The following DIAPH2 variants were observed in gnomAD, a reference collection of about 807,000 sequenced individuals.
DIAPH2 encodes the protein diaphanous related formin 2, also known as protein diaphanous homolog 2.
In DIAPH2, 35 loss-of-function variants were observed where a neutral mutation model predicts 92.7. The ratio of observed to expected loss-of-function variants is 0.38; its 90% CI spans 0.29 to 0.50. The LOEUF (loss-of-function observed/expected upper bound fraction) is 0.50, where lower values mean the gene tolerates loss of function less well. Among genes scored for constraint, DIAPH2 ranks in the 20% least tolerant of loss-of-function variants. The pLI is 0.94. For missense variants in DIAPH2, 701 were observed against 819.5 expected (o/e 0.86, Z 1.77); for synonymous variants, 301 against 280.4 (o/e 1.07, Z -0.73).
At chrX:97,494,075 A>ATGTATGTATATATT (rs1406805374) in intron 26 of DIAPH2, among the ~76,000 whole-genome samples, 1 of 101,185 alleles carries the variant, frequency 9.9e-6, no homozygotes, top group Non-Finnish European at 2.0e-5. Context: ...ATTTATATAT[A>ATGTATGTATATATT]TGTATGTATA....
intron 5 of DIAPH2, among the ~76,000 whole-genome samples, chrX:96,894,871 A>ATTAT (rs2065332279): frequency 9.0e-6 from 1 of 110,987 alleles, no homozygotes; most frequent in Admixed American, 9.6e-5. Context: ...GCATTTCACA[A>ATTAT]TGTGCTTAGA....
At chrX:97,133,280 TTTC>T (rs2067149883) in intron 21 of DIAPH2, among the ~76,000 whole-genome samples, 1 of 111,278 alleles carries the variant, frequency 9.0e-6, no homozygotes, top group South Asian at 3.8e-4. Flanking sequence ...TGTTTTGTTT[TTTC>T]TTTTTTCTTT....
At chrX:97,002,059 A>G (rs1243508664) in intron 17 of DIAPH2, among the ~76,000 whole-genome samples, 1 of 111,145 alleles carries the variant, frequency 9.0e-6, no homozygotes, top group East Asian at 2.8e-4. Flanking sequence ...ATTCAAGTCA[A>G]TAATCCACAA....
At chrX:97,358,011 A>G (rs1043378677) in intron 24 of DIAPH2, among the ~76,000 whole-genome samples, 1 of 111,787 alleles carries the variant, frequency 8.9e-6, no homozygotes, top group Middle Eastern at 4.2e-3. Context: ...GTAAACATAC[A>G]TTGTCTCCTA....
At chrX:96,810,799 T>G (rs1569401592) in intron 4 of DIAPH2, among the ~76,000 whole-genome samples, 1 of 111,929 alleles carries the variant, frequency 8.9e-6, no homozygotes, top group Non-Finnish European at 1.9e-5. Context: ...TTCTTGTTTT[T>G]GTCAGGTTTG....
chrX:97,153,205 A>T (rs746315647), intron 22 of DIAPH2, among the ~76,000 whole-genome samples: 3 of 112,216 alleles, frequency 2.7e-5, no homozygotes, highest in Admixed American at 9.5e-5. Context: ...GGTGTTACAT[A>T]TAAAAAATTA....
At chrX:96,911,915 A>G (rs1247671768) in intron 5 of DIAPH2, among the ~76,000 whole-genome samples, 1 of 111,824 alleles carries the variant, frequency 8.9e-6, no homozygotes, top group African/African-American at 3.2e-5. Context: ...GCAAAGGTGA[A>G]AGAAATGGGT....
intron 26 of DIAPH2, among the ~76,000 whole-genome samples, chrX:97,517,172 A>G (rs942158299): frequency 7.2e-5 from 8 of 111,826 alleles, no homozygotes; most frequent in Non-Finnish European, 1.1e-4. Flanking sequence ...ATTCAAACAC[A>G]TATCACTATG....
At chrX:96,707,995 C>G (rs973645285) in intron 1 of DIAPH2, among the ~76,000 whole-genome samples, 3 of 111,344 alleles carry the variant, frequency 2.7e-5, no homozygotes, top group African/African-American at 9.8e-5. Context: ...CCCACTTAAT[C>G]TACATTGCAG....
intron 1 of DIAPH2, among the ~76,000 whole-genome samples, chrX:96,701,002 T>G (rs2063852091): frequency 8.9e-6 from 1 of 112,149 alleles, no homozygotes; most frequent in Admixed American, 9.5e-5. Context: ...TTAGGTGTAT[T>G]GTCTCATATG....
rs1421611621 is a variant in DIAPH2, at chrX:97,600,991, T to TATC, written c.*1675_*1677dup. ...ATAGAAAAATCAAAAAGGGTAACAG[T>TATC]ATCTGAAATTTCACAGTCCTATCCG... On this transcript the variant is annotated 3_prime_UTR_variant, in exon 27 of 27. Coordinates refer to ENST00000324765, the MANE Select transcript of DIAPH2 (RefSeq NM_006729.5). 1.8e-5 allele frequency: 2 copies of TATC among 112,168 alleles called. No homozygotes were observed. Among genetic ancestry groups the TATC allele is most frequent in the African/African-American group, 6.5e-5 (2 of 30,926 alleles). 9.2% of individuals were successfully genotyped at this position (112,168 alleles called of 1,213,427 possible).
intron 23 of DIAPH2, among the ~76,000 whole-genome samples, chrX:97,312,693 G>C (rs2147642615): frequency 9.0e-6 from 1 of 111,235 alleles, no homozygotes; most frequent in East Asian, 2.8e-4. Flanking sequence ...TTTGAAAGTA[G>C]AATGGATAGA....
Position 97,599,511 on chromosome X carries a change from A to T in DIAPH2, c.*194A>T. 1 of 270,519 alleles carries T rather than the reference A, an allele frequency of 3.7e-6. No individual in the cohort carries two copies. Among genetic ancestry groups the T allele is most frequent in the Non-Finnish European group, 6.8e-6 (1 of 146,898 alleles). The allele number at this position is 270,519 out of a possible 1,213,427, so 22.3% of individuals were successfully genotyped here. A position where few individuals can be genotyped will look rare whatever the true frequency, so the allele number is the denominator to read the frequency against. ...CCCACAATTATTCTAATCTGAACAC[A>T]GTTATCAGGATTACAAAATGTGTTC... is the stretch of plus-strand genomic sequence containing the variant. On this transcript the variant is annotated 3_prime_UTR_variant, in exon 27 of 27. Coordinates refer to ENST00000324765, the MANE Select transcript of DIAPH2 (RefSeq NM_006729.5).
rs185875923 is a variant in DIAPH2, at chrX:97,454,411, C to T, written c.3241+24666C>T. 3.8e-3 allele frequency among the ~76,000 whole-genome samples: 427 copies of T among 111,457 alleles called. 2 individuals are homozygous for T. Among genetic ancestry groups the T allele is most frequent in the Non-Finnish European group, 6.1e-3 (324 of 53,083 alleles). ...AAAAAAAGAAATAGGTATATATATA[C>T]GCAGCTGCTAATTAAAAAATTGGAG... On this transcript the variant is annotated intron_variant, in intron 26 of 26. Coordinates refer to ENST00000324765, the MANE Select transcript of DIAPH2 (RefSeq NM_006729.5).
intron 9 of DIAPH2, among the ~76,000 whole-genome samples, chrX:96,927,472 T>G (rs1379166973): frequency 9.1e-6 from 1 of 110,467 alleles, no homozygotes; most frequent in Non-Finnish European, 1.9e-5. Context: ...ATCTCTTTTT[T>G]TCTTTAAAAT....
intron 22 of DIAPH2, among the ~76,000 whole-genome samples, chrX:97,219,430 T>C (rs756446649): frequency 2.1e-4 from 24 of 111,901 alleles, no homozygotes; most frequent in African/African-American, 7.4e-4. Context: ...TTTGTTGCTG[T>C]TTCAGGGAAA....
chrX:96,717,317 C>T (rs2063955518), intron 1 of DIAPH2, among the ~76,000 whole-genome samples: 1 of 110,722 alleles, frequency 9.0e-6, no homozygotes, highest in African/African-American at 3.3e-5. Flanking sequence ...CCTCCATATC[C>T]CTGCTGATTT....
rs751755904 is a variant in DIAPH2, at chrX:96,702,883, G to A, written c.132+17693G>A. Among the ~76,000 whole-genome samples, 119 of 111,143 alleles carry A rather than the reference G, an allele frequency of 1.1e-3. 1 individual carries two copies. The Middle Eastern group carries it at 0.014, about 13-fold the overall frequency. On this transcript the variant is annotated intron_variant, in intron 1 of 26. Transcript: ENST00000324765. ...CAAACTCTCTTGTGAGTTTTACAGA[G>A]TCACTAATCCCATTCATGAAGGTTC... is the stretch of plus-strand genomic sequence containing the variant.
chrX:97,561,909 T>G, intron 26 of DIAPH2, among the ~76,000 whole-genome samples: 1 of 112,565 alleles, frequency 8.9e-6, no homozygotes, highest in Middle Eastern at 4.6e-3. Flanking sequence ...TTTTTGTTTT[T>G]ACTATGGATA....
Sources: gnomAD v4.1 joint callset for allele counts (sites outside exome capture counted in the v4.1 genomes callset) on GRCh38, gnomAD v4.1.1 for gene constraint, MANE v1.5 for transcripts, NCBI Gene and HGNC (gene_info 2026-07-23, HGNC 2026-07-21) for gene names.